Variants in AFAP1 observed in about 807,000 individuals in gnomAD.
AFAP1 encodes the protein actin filament-associated protein 1.
A neutral mutation model predicts 93.9 loss-of-function variants in AFAP1; 75 were observed. The ratio of observed to expected loss-of-function variants is 0.80; its 90% CI spans 0.66 to 0.97. The LOEUF is 0.97. Ranked by LOEUF, AFAP1 falls within the 50% of genes least tolerant of loss-of-function variation. AFAP1 has a pLI of 0.00. For missense variants in AFAP1, 1,201 were observed against 1,050.8 expected (o/e 1.14, Z -1.98); for synonymous variants, 517 against 430.7 (o/e 1.20, Z -2.48).
intron 1 of AFAP1, among the ~76,000 whole-genome samples, chr4:7,891,177 G>C (rs1287617143): frequency 6.6e-6 from 1 of 152,002 alleles, no homozygotes; most frequent in Non-Finnish European, 1.5e-5. Flanking sequence ...AGCCCAAAAG[G>C]CATGCTATCT....
Position 7,834,092 on chromosome 4 carries a change from TACACAC to T in AFAP1, c.726+4426_726+4431del, listed in dbSNP as rs142790415. Among the ~76,000 whole-genome samples, 418 of 126,664 alleles carry T rather than the reference TACACAC, an allele frequency of 3.3e-3. 4 individuals carry two copies. The highest frequency in any genetic ancestry group is 0.011 in the African/African-American group (344 of 31,534). The allele number at this position is 126,664 out of a possible 152,430, so 83.1% of individuals were successfully genotyped here. On this transcript the variant is annotated intron_variant, in intron 6 of 17. Coordinates refer to ENST00000420658, the MANE Select transcript of AFAP1 (RefSeq NM_001134647.2). Reference sequence around the variant, plus strand: ...ACAAGTTGATAAAGAAACTGTGGCATACACACACACACACACACACACACACACACA... The same window carrying T: ...ACAAGTTGATAAAGAAACTGTGGCATACACACACACACACACACACACACA...
rs1305391692 is a variant in AFAP1, at chr4:7,762,352, C to T, written c.*1413G>A. ...AAGGCTTACACCAAGTATGGCACCT[C>T]TGTATTCTATGCTTGGGGAAGGGGC... On this transcript the variant is annotated 3_prime_UTR_variant, in exon 18 of 18. Coordinates refer to ENST00000420658, the MANE Select transcript of AFAP1 (RefSeq NM_001134647.2). 1 of 152,228 alleles carries T rather than the reference C, an allele frequency of 6.6e-6. No homozygotes were observed. Among genetic ancestry groups the T allele is most frequent in the African/African-American group, 2.4e-5 (1 of 41,440 alleles). 9.4% of individuals were successfully genotyped at this position (152,228 alleles called of 1,614,324 possible).
chr4:7,786,364 A>G (rs1010354937), intron 11 of AFAP1, 53 bp from the exon 12 acceptor site: 1 of 1,446,702 alleles, frequency 6.9e-7, no homozygotes, highest in Non-Finnish European at 9.7e-7. Flanking sequence ...TTTTACTCCA[A>G]TCAGTCAAGT....
chr4:7,780,839 G>A (rs919522046), intron 13 of AFAP1, among the ~76,000 whole-genome samples: 12 of 151,350 alleles, frequency 7.9e-5, no homozygotes, highest in South Asian at 2.1e-4. Context: ...AAACACCACC[G>A]TACTCTGAAT....
At chr4:7,904,848 C>CA (rs551071336) in intron 1 of AFAP1, among the ~76,000 whole-genome samples, 142 of 152,210 alleles carry the variant, frequency 9.3e-4, no homozygotes, top group African/African-American at 3.2e-3. Context: ...GGATTACAGG[C>CA]ATGAGCCACC....
intron 1 of AFAP1, among the ~76,000 whole-genome samples, chr4:7,907,622 T>C (rs1719490420): frequency 6.6e-6 from 1 of 152,172 alleles, no homozygotes. Flanking sequence ...CCGAAATCTA[T>C]AACTTTTTGA....
intron 17 of AFAP1, among the ~76,000 whole-genome samples, chr4:7,765,749 A>T (rs1395398803): frequency 6.6e-6 from 1 of 152,234 alleles, no homozygotes; most frequent in Non-Finnish European, 1.5e-5. Context: ...CACAGACGCC[A>T]GGGCCAGACC....
In AFAP1 at chr4:7,768,873, A is replaced by T. The variant is rs62636595; in HGVS notation, c.2389T>A (p.Cys797Ser). ...GCCTTCCGCAGCACATGCCCTCGGC[A>T]GGGGGAGCTGCCCGGGGCAGCCTGG... ...KSQAAPGSSP[C>S]RGHVLRKAKE... The change falls in exon 17 of 18, where the codon TGC (cysteine) becomes AGC (serine). Residue 797 changes from cysteine to serine, a missense_variant. Transcript: ENST00000420658. 3.9e-4 allele frequency: 634 copies of T among 1,607,198 alleles called. No homozygotes were observed. The highest frequency in any genetic ancestry group is 4.2e-4 in the Non-Finnish European group (494 of 1,175,058).
chr4:7,930,536 A>G (rs1051187192), intron 1 of AFAP1, among the ~76,000 whole-genome samples: 5 of 152,140 alleles, frequency 3.3e-5, no homozygotes, highest in Non-Finnish European at 4.4e-5. Flanking sequence ...CTAGGGGCCC[A>G]AAGCCACCTG....
chr4:7,908,728 G>A (rs926296730), intron 1 of AFAP1, among the ~76,000 whole-genome samples: 1 of 152,210 alleles, frequency 6.6e-6, no homozygotes, highest in African/African-American at 2.4e-5. Flanking sequence ...CTAGATTGAT[G>A]AGAGAGCTAA....
At chr4:7,785,097 C>T (rs1434639634) in intron 12 of AFAP1, among the ~76,000 whole-genome samples, 1 of 152,178 alleles carries the variant, frequency 6.6e-6, no homozygotes, top group African/African-American at 2.4e-5. Flanking sequence ...CACAAGCCTC[C>T]TTCATTCATC....
chr4:7,906,864 T>C (rs1431261654), intron 1 of AFAP1, among the ~76,000 whole-genome samples: 1 of 152,188 alleles, frequency 6.6e-6, no homozygotes, highest in Non-Finnish European at 1.5e-5. Flanking sequence ...CTACTAAGAA[T>C]GCTGGCGGGC....
chr4:7,907,588 G>C (rs918030208), intron 1 of AFAP1, among the ~76,000 whole-genome samples: 3 of 152,108 alleles, frequency 2.0e-5, no homozygotes, highest in African/African-American at 7.2e-5. Context: ...ACCCATACAG[G>C]ACCAGTCTCC....
At chr4:7,835,714 C>T (rs1577271206) in intron 6 of AFAP1, among the ~76,000 whole-genome samples, 3 of 84,300 alleles carry the variant, frequency 3.6e-5, no homozygotes, top group Admixed American at 1.2e-4. Context: ...CTGCGGGCGG[C>T]CTTAAGGTTA....
At chr4:7,881,780 C>CAAAA (rs35520560) in intron 1 of AFAP1, among the ~76,000 whole-genome samples, 2 of 140,468 alleles carry the variant, frequency 1.4e-5, no homozygotes, top group African/African-American at 2.7e-5. Context: ...GACTCCATCT[C>CAAAA]AAAAAAAAAA....
chr4:7,764,697 G>A (rs1320859146), intron 17 of AFAP1, among the ~76,000 whole-genome samples: 3 of 152,238 alleles, frequency 2.0e-5, no homozygotes, highest in African/African-American at 4.8e-5. Flanking sequence ...CGCAGTGCCA[G>A]CACTGTGAAA....
At chr4:7,792,718 C>T (rs1375321220) in intron 11 of AFAP1, among the ~76,000 whole-genome samples, 2 of 152,158 alleles carry the variant, frequency 1.3e-5, no homozygotes, top group East Asian at 1.9e-4. Flanking sequence ...CATCACGCTA[C>T]GCAGAACAGG....
intron 3 of AFAP1, among the ~76,000 whole-genome samples, chr4:7,867,118 G>A (rs1442528596): frequency 2.3e-5 from 2 of 85,960 alleles, no homozygotes; most frequent in East Asian, 7.0e-4. Context: ...GAGGGGAGGG[G>A]AGGGTAGGGG....
At chr4:7,875,961 G>C (rs1221750083) in intron 1 of AFAP1, among the ~76,000 whole-genome samples, 2 of 152,166 alleles carry the variant, frequency 1.3e-5, no homozygotes, top group Non-Finnish European at 2.9e-5. Context: ...ATGGGGTTCA[G>C]AGTTAACAGT....
Sources: allele counts gnomAD v4.1 joint callset (sites outside exome capture counted in the v4.1 genomes callset), GRCh38; gene constraint gnomAD v4.1.1; transcripts MANE v1.5; gene names NCBI Gene and HGNC (gene_info 2026-07-23, HGNC 2026-07-21).